TBXAS1: variants seen among roughly 807,000 people sequenced by gnomAD.
TBXAS1 encodes the protein thromboxane A synthase 1.
In TBXAS1, 48 loss-of-function variants were observed where a neutral mutation model predicts 60.7. The observed-to-expected ratio is 0.79, with a 90% CI of 0.63 to 1.01. The LOEUF is 1.01. Among genes scored for constraint, TBXAS1 ranks in the 50% least tolerant of loss-of-function variants. The pLI, the probability that TBXAS1 is intolerant of heterozygous loss-of-function variation, is 0.00. For synonymous variants in TBXAS1, 287 were observed against 269.7 expected (o/e 1.06, Z -0.63); for missense variants, 685 against 686.3 (o/e 1.00, Z 0.02).
chr7:139,866,130 A>T (rs533806925), intron 1 of TBXAS1, among the ~76,000 whole-genome samples: 1 of 152,336 alleles, frequency 6.6e-6, no homozygotes, highest in African/African-American at 2.4e-5. Context: ...CAACGGTAGG[A>T]CTAGCTGGGA....
chr7:140,000,272 G>A (rs1475572275), intron 9 of TBXAS1, among the ~76,000 whole-genome samples: 2 of 152,170 alleles, frequency 1.3e-5, no homozygotes, highest in Non-Finnish European at 2.9e-5. Flanking sequence ...GGCTGAGACT[G>A]GAGGATCACT....
rs1359873378 is a variant in TBXAS1 at position 139,865,118 on chromosome 7, A to T, written c.90-7117A>T. Among the ~76,000 whole-genome samples, 3 of 152,156 alleles carry T rather than the reference A, an allele frequency of 2.0e-5. No individual in the cohort carries two copies. In the East Asian group the frequency reaches 5.8e-4, roughly 29 times the overall value. On this transcript the variant is annotated intron_variant, in intron 1 of 12. Coordinates refer to ENST00000448866, the MANE Select transcript of TBXAS1 (RefSeq NM_001061.7). ...TTTCCAGCCCTGAGGGCAAACTGAG[A>T]TTGAGGTCTTAAGGGAATGGAGAGG... is the stretch of plus-strand genomic sequence containing the variant.
At chr7:139,806,729 G>A (rs551869427) in intron 4 of TBXAS1, among the ~76,000 whole-genome samples, 2 of 152,080 alleles carry the variant, frequency 1.3e-5, no homozygotes, top group South Asian at 4.1e-4. Flanking sequence ...TATCTCCAGG[G>A]TCTCTGGCTG....
At chr7:139,784,476 A>G (rs1171605205) in intron 3 of TBXAS1, among the ~76,000 whole-genome samples, 1 of 152,230 alleles carries the variant, frequency 6.6e-6, no homozygotes, top group Non-Finnish European at 1.5e-5. Flanking sequence ...GCACATGGTC[A>G]AAAGATAGTA....
At chr7:139,851,542 A>G (rs1043560586) in intron 1 of TBXAS1, among the ~76,000 whole-genome samples, 4 of 152,206 alleles carry the variant, frequency 2.6e-5, no homozygotes, top group Non-Finnish European at 5.9e-5. Flanking sequence ...TTTTCCAGTA[A>G]AAGCATGGCA....
At chr7:139,853,432 G>A (rs920416991) in intron 1 of TBXAS1, among the ~76,000 whole-genome samples, 60 of 152,228 alleles carry the variant, frequency 3.9e-4, no homozygotes, top group Non-Finnish European at 1.2e-4. Flanking sequence ...CTCACTAGCA[G>A]TGTGACCTTG....
chr7:139,955,569 T>C lies in TBXAS1; in HGVS notation c.650T>C (p.Phe217Ser). 1.2e-6 allele frequency: 2 copies of C among 1,614,184 alleles called. No homozygotes were observed. The highest frequency in any genetic ancestry group is 1.7e-6 in the Non-Finnish European group (2 of 1,179,996). ...DPFVKHCKRFFEFCIPRPILV... is the reference protein window; with the variant it reads ...DPFVKHCKRFSEFCIPRPILV... ...TTTGTGAAACACTGCAAGCGTTTCT[T>C]CGAATTCTGCATCCCCAGACCTATC... The change falls in exon 7 of 13, where the codon TTC (phenylalanine) becomes TCC (serine). Residue 217 changes from phenylalanine to serine, a missense_variant. By Grantham distance (155) the Phe-to-Ser change is radical. Coordinates refer to ENST00000448866, the MANE Select transcript of TBXAS1 (RefSeq NM_001061.7).
chr7:139,932,004 A>C (rs902708622), intron 4 of TBXAS1, among the ~76,000 whole-genome samples: 5 of 151,980 alleles, frequency 3.3e-5, no homozygotes, highest in African/African-American at 9.7e-5. Context: ...ACTTAATACC[A>C]CCAAACTGTA....
intron 9 of TBXAS1, among the ~76,000 whole-genome samples, chr7:139,982,950 A>G (rs2117521786): frequency 6.6e-6 from 1 of 151,022 alleles, no homozygotes; most frequent in Admixed American, 6.6e-5. Context: ...TCCTTCCACC[A>G]CTCTTTCTAG....
At chr7:139,985,368 G>A (rs73734166) in intron 9 of TBXAS1, among the ~76,000 whole-genome samples, 6,223 of 152,300 alleles carry the variant, frequency 0.041, 222 homozygotes, top group African/African-American at 0.093. Flanking sequence ...GAATGGCAGC[G>A]AACCCTGGTG....
At position 139,950,960 on chromosome 7, in the gene TBXAS1, C is replaced by T. The variant is rs897720458; in HGVS notation, c.451-2408C>T. ...CAATTCTTTCCTTACACCCAGAGCA[C>T]GTAGGACTGACTCGGAGGAAACTGC... On this transcript the variant is annotated intron_variant, in intron 5 of 12. Coordinates refer to ENST00000448866, the MANE Select transcript of TBXAS1 (RefSeq NM_001061.7). Among the ~76,000 whole-genome samples the T allele has an allele frequency of 3.9e-5, 6 of 152,040 alleles. 1 individual carries two copies. Among genetic ancestry groups the T allele is most frequent in the African/African-American group, 7.2e-5 (3 of 41,380 alleles).
At chr7:140,016,469 C>A in intron 11 of TBXAS1, 1 of 267,070 alleles carries the variant, frequency 3.7e-6, no homozygotes. Context: ...TGATTGTCTT[C>A]CATTCATTCA....
chr7:139,923,039 G>A (rs928964057), intron 4 of TBXAS1, among the ~76,000 whole-genome samples: 5 of 152,202 alleles, frequency 3.3e-5, no homozygotes, highest in Non-Finnish European at 7.3e-5. Flanking sequence ...AAAGATGGCA[G>A]TGTGGCCAGG....
At chr7:139,860,610 G>A (rs1346629317) in intron 1 of TBXAS1, among the ~76,000 whole-genome samples, 1 of 152,182 alleles carries the variant, frequency 6.6e-6, no homozygotes, top group Non-Finnish European at 1.5e-5. Context: ...AGTTGTCAGA[G>A]CGAGAGAAGG....
At chr7:140,005,339 G>A (rs113702602) in intron 9 of TBXAS1, among the ~76,000 whole-genome samples, 15,880 of 152,024 alleles carry the variant, frequency 0.1, 1,572 homozygotes, top group African/African-American at 0.27. Context: ...TGAAGCAGGA[G>A]AATCACTTGA....
intron 4 of TBXAS1, among the ~76,000 whole-genome samples, chr7:139,789,921 G>A (rs899914005): frequency 5.3e-5 from 8 of 152,048 alleles, no homozygotes; most frequent in East Asian, 1.9e-4. Flanking sequence ...GTGAGCCACC[G>A]CACCCGGCCT....
intron 1 of TBXAS1, among the ~76,000 whole-genome samples, chr7:139,871,076 G>A (rs1192126361): frequency 3.9e-5 from 6 of 152,232 alleles, no homozygotes; most frequent in Admixed American, 3.9e-4. Context: ...AATAAATAAA[G>A]AAATAAATAG....
chr7:139,828,774 G>A (rs770086655), upstream of TBXAS1, among the ~76,000 whole-genome samples: 1 of 152,108 alleles, frequency 6.6e-6, no homozygotes, highest in Admixed American at 6.6e-5. Flanking sequence ...TCTTTGCTTT[G>A]CTCCAACAGC....
chr7:139,831,650 G>T (rs1299724835), intron 1 of TBXAS1, among the ~76,000 whole-genome samples: 1 of 152,312 alleles, frequency 6.6e-6, no homozygotes, highest in East Asian at 1.9e-4. Flanking sequence ...AAATCAAATG[G>T]GCTGGGCGCG....
Sources: allele counts gnomAD v4.1 joint callset (sites outside exome capture counted in the v4.1 genomes callset), GRCh38; gene constraint gnomAD v4.1.1; transcripts MANE v1.5; gene names NCBI Gene and HGNC (gene_info 2026-07-23, HGNC 2026-07-21).